The following ADAMTS6 variants were observed in gnomAD, a reference collection of about 807,000 sequenced individuals.
ADAMTS6 encodes ADAM metallopeptidase with thrombospondin type 1 motif 6.
In ADAMTS6, 23 loss-of-function variants were observed where a neutral mutation model predicts 144.3. The observed-to-expected ratio is 0.16, with a 90% CI of 0.11 to 0.23. ADAMTS6 has a LOEUF of 0.23. ADAMTS6 is among the 10% of genes least tolerant of loss of function. ADAMTS6 has a pLI of 1.00. For missense variants in ADAMTS6, 999 were observed against 1,379.6 expected (o/e 0.72, Z 4.37); for synonymous variants, 444 against 457.5 (o/e 0.97, Z 0.38).
chr5:65,439,646 GT>G (rs1350474404), intron 7 of ADAMTS6, among the ~76,000 whole-genome samples: 1 of 152,066 alleles, frequency 6.6e-6, no homozygotes, highest in African/African-American at 2.4e-5. Context: ...GTGATCCTAG[GT>G]TAGTTAGTGG....
chr5:65,156,689 T>C lies in ADAMTS6; in HGVS notation c.3245-4744A>G, dbSNP rs185931377. ...AGGTTTGAGCTTTACTGTCATACTT[T>C]CTTCATGCAAACACACTTATATCTA... On this transcript the variant is annotated intron_variant, in intron 24 of 24. Coordinates refer to ENST00000381055, the MANE Select transcript of ADAMTS6 (RefSeq NM_197941.4). Among the ~76,000 whole-genome samples the C allele has an allele frequency of 7.2e-5, 11 of 152,352 alleles. No individual in the cohort carries two copies. The East Asian group carries it at 1.9e-3, about 27-fold the overall frequency.
At chr5:65,347,086 G>C (rs1404560497) in intron 7 of ADAMTS6, among the ~76,000 whole-genome samples, 2 of 151,758 alleles carry the variant, frequency 1.3e-5, no homozygotes, top group African/African-American at 4.8e-5. Flanking sequence ...TCATGGATCA[G>C]AAAAATCAAT....
Position 65,160,493 on chromosome 5 carries a change from A to AC in ADAMTS6, c.3245-8549_3245-8548insG, listed in dbSNP as rs1752697034. On this transcript the variant is annotated intron_variant, in intron 24 of 24. Transcript: ENST00000381055. ...GGCTAATTTTTTGTTTTTAGTAGAGATGGGGTTTCACCATGTTAGGCAGGA... is the reference window on the plus strand; with the variant it reads ...GGCTAATTTTTTGTTTTTAGTAGAGACTGGGGTTTCACCATGTTAGGCAGGA... Among the ~76,000 whole-genome samples, 59 of 151,414 alleles carry AC rather than the reference A, an allele frequency of 3.9e-4. 2 individuals are homozygous for AC. Among genetic ancestry groups the AC allele is most frequent in the Admixed American group, 3.9e-3 (59 of 15,208 alleles).
At position 65,471,093 on chromosome 5, in the gene ADAMTS6, C is replaced by T. The variant is rs1760396745; in HGVS notation, c.147G>A (p.Arg49=). 1 of 1,608,706 alleles carries T rather than the reference C, an allele frequency of 6.2e-7. No individual in the cohort carries two copies. Among genetic ancestry groups the T allele is most frequent in the Non-Finnish European group, 8.5e-7 (1 of 1,178,248 alleles). Residue 49 remains arginine, a synonymous_variant, in exon 3 of 25, where the codon AGG becomes AGA. Coordinates refer to ENST00000381055, the MANE Select transcript of ADAMTS6 (RefSeq NM_197941.4). ...LEHYQLTIPI[R]VDQNGAFLSF... ...TGAGAAATGCTCCATTTTGATCAAC[C>T]CTTATTGGAATAGTTAGCTGGTAGT...
chr5:65,374,531 A>G (rs1394872239), intron 7 of ADAMTS6, among the ~76,000 whole-genome samples: 1 of 151,550 alleles, frequency 6.6e-6, no homozygotes. Context: ...AGAATAAAAT[A>G]CCTAGGAATC....
intron 7 of ADAMTS6, among the ~76,000 whole-genome samples, chr5:65,406,048 T>C (rs1408550653): frequency 6.6e-6 from 1 of 152,208 alleles, no homozygotes; most frequent in Non-Finnish European, 1.5e-5. Context: ...GATTTTGGGC[T>C]GAGACGATGG....
chr5:65,455,931 C>T (rs532065785), intron 4 of ADAMTS6, among the ~76,000 whole-genome samples: 3 of 151,870 alleles, frequency 2.0e-5, no homozygotes, highest in African/African-American at 7.2e-5. Context: ...TTGGCTATCA[C>T]TCTAACAAAC....
At chr5:65,351,395 AG>A (rs1280075740) in intron 7 of ADAMTS6, among the ~76,000 whole-genome samples, 2 of 108,276 alleles carry the variant, frequency 1.8e-5, no homozygotes, top group Non-Finnish European at 3.8e-5. Flanking sequence ...AGTCTCAAAG[AG>A]TTAAGTTTAA....
chr5:65,257,716 C>T (rs898511328), intron 14 of ADAMTS6, among the ~76,000 whole-genome samples: 1 of 152,204 alleles, frequency 6.6e-6, no homozygotes, highest in Non-Finnish European at 1.5e-5. Context: ...AAGATGCTCT[C>T]ATTTTCACTT....
chr5:65,229,507 GT>G (rs1240445085), intron 15 of ADAMTS6, among the ~76,000 whole-genome samples: 2 of 152,204 alleles, frequency 1.3e-5, no homozygotes, highest in East Asian at 3.9e-4. Flanking sequence ...CAAAATAATT[GT>G]TTTAAGGAAG....
intron 24 of ADAMTS6, among the ~76,000 whole-genome samples, chr5:65,169,599 C>T (rs1444262507): frequency 4.8e-5 from 7 of 146,734 alleles, no homozygotes; most frequent in Non-Finnish European, 8.9e-5. Context: ...ATGTTTATTG[C>T]GGCATTATTC....
chr5:65,279,417 A>G (rs574571710), intron 11 of ADAMTS6, among the ~76,000 whole-genome samples: 1 of 152,248 alleles, frequency 6.6e-6, no homozygotes, highest in East Asian at 1.9e-4. Context: ...CCCGGGTTCA[A>G]GCAAATCTCC....
intron 3 of ADAMTS6, among the ~76,000 whole-genome samples, chr5:65,467,007 A>AT (rs575402166): frequency 0.022 from 3,337 of 151,168 alleles, 60 homozygotes; most frequent in East Asian, 0.06. Flanking sequence ...GCGCCACTGC[A>AT]CCCAGCCTGG....
At chr5:65,453,173 T>A (rs540196440) in intron 4 of ADAMTS6, among the ~76,000 whole-genome samples, 2 of 152,222 alleles carry the variant, frequency 1.3e-5, no homozygotes, top group South Asian at 4.1e-4. Context: ...TAAAAATAAT[T>A]TTCAAATAGT....
intron 13 of ADAMTS6, among the ~76,000 whole-genome samples, chr5:65,262,002 G>T (rs1761239057): frequency 6.6e-6 from 1 of 152,004 alleles, no homozygotes; most frequent in Non-Finnish European, 1.5e-5. Flanking sequence ...AATACTAGCT[G>T]GGAAAGAAGG....
chr5:65,206,768 C>T (rs887782389), intron 20 of ADAMTS6, among the ~76,000 whole-genome samples: 1 of 149,334 alleles, frequency 6.7e-6, no homozygotes, highest in African/African-American at 2.5e-5. Flanking sequence ...TTTGTCCTAG[C>T]TCAAAAAAAA....
intron 1 of ADAMTS6, among the ~76,000 whole-genome samples, chr5:65,474,465 G>C (rs1375044972): frequency 6.6e-6 from 1 of 151,952 alleles, no homozygotes; most frequent in Admixed American, 6.6e-5. Flanking sequence ...GACAGTATCA[G>C]AAGCTAAACT....
chr5:65,235,762 C>G (rs1322271710), intron 15 of ADAMTS6, among the ~76,000 whole-genome samples: 2 of 152,156 alleles, frequency 1.3e-5, no homozygotes, highest in African/African-American at 2.4e-5. Context: ...TGAACTAATA[C>G]TTAATAAACT....
intron 9 of ADAMTS6, among the ~76,000 whole-genome samples, chr5:65,313,982 A>T (rs1744741307): frequency 6.6e-6 from 1 of 152,136 alleles, no homozygotes. Context: ...AAAAAAATAT[A>T]TATAAGACAT....
Sources: gnomAD v4.1 joint callset for allele counts (sites outside exome capture counted in the v4.1 genomes callset) on GRCh38, gnomAD v4.1.1 for gene constraint, MANE v1.5 for transcripts, NCBI Gene and HGNC (gene_info 2026-07-23, HGNC 2026-07-21) for gene names.